Variants in ZNF362 observed in about 807,000 individuals in gnomAD.
ZNF362 encodes zinc finger protein 362.
ZNF362 carries 11 observed loss-of-function variants against 42.9 expected under a neutral mutation model. The ratio of observed to expected loss-of-function variants is 0.26; its 90% CI spans 0.16 to 0.42. ZNF362 has a LOEUF of 0.42. Among genes scored for constraint, ZNF362 ranks in the 20% least tolerant of loss-of-function variants. The probability of loss-of-function intolerance (pLI) is 1.00; values close to 1 mark genes in which losing one functional copy is unlikely to be tolerated. For missense variants in ZNF362, 362 were observed against 576.2 expected, an observed-to-expected ratio of 0.63 and a Z score of 3.81; for synonymous variants, 255 against 257.3, an observed-to-expected ratio of 0.99 and a Z score of 0.09.
chr1:33,135,311 CCAAA>C, the ZNF362 span, among the ~76,000 whole-genome samples: 1 of 151,932 alleles, frequency 6.6e-6, no homozygotes. Flanking sequence ...AACAAACAAA[CCAAA>C]CAAAAACAAC....
At chr1:33,134,264 G>A in the ZNF362 span, among the ~76,000 whole-genome samples, 1 of 152,246 alleles carries the variant, frequency 6.6e-6, no homozygotes, top group East Asian at 1.9e-4. Context: ...AACCCAGCAA[G>A]GGTAGGTATT....
At chr1:33,276,752 C>T (rs55879775) in intron 4 of ZNF362, among the ~76,000 whole-genome samples, 158 bp downstream of exon 4, 104,483 of 152,132 alleles carry the variant, frequency 0.69, 36,060 homozygotes, top group East Asian at 0.76. Flanking sequence ...GGGTTGGCCA[C>T]GACGAGCCAC....
the ZNF362 span, chr1:33,181,470 G>A: frequency 1.9e-6 from 3 of 1,544,822 alleles, no homozygotes; most frequent in Admixed American, 4.0e-5. This position sits in a 1 kb window ranked among gnomAD's most constrained non-coding sequence, Gnocchi z 6.5. Flanking sequence ...CCGAGGGGCA[G>A]GGGGGCGGCT....
At chr1:33,140,530 C>T in the ZNF362 span, among the ~76,000 whole-genome samples, 1 of 152,214 alleles carries the variant, frequency 6.6e-6, no homozygotes, top group Non-Finnish European at 1.5e-5. This position sits in a 1 kb window ranked among gnomAD's most constrained non-coding sequence, Gnocchi z 4.0. Flanking sequence ...GGGGCAAGAG[C>T]CTCTTTTCTG....
At chr1:33,227,497 C>T in the ZNF362 span, among the ~76,000 whole-genome samples, 8 of 152,194 alleles carry the variant, frequency 5.3e-5, no homozygotes, top group Non-Finnish European at 1.2e-4. Context: ...GCCCAGCCTT[C>T]AGCCATCCAA....
chr1:33,257,343 G>C (rs1483052118), intron 1 of ZNF362, among the ~76,000 whole-genome samples: 1 of 151,214 alleles, frequency 6.6e-6, no homozygotes, highest in South Asian at 2.1e-4. Flanking sequence ...GGAAGCTGCC[G>C]GGCGATTTGA....
the ZNF362 span, among the ~76,000 whole-genome samples, chr1:33,144,244 T>C: frequency 6.6e-6 from 1 of 151,816 alleles, no homozygotes; most frequent in Non-Finnish European, 1.5e-5. Context: ...TTCAAGAGAT[T>C]CTCCTGCCTC....
At chr1:33,136,245 TTCTC>T in the ZNF362 span, among the ~76,000 whole-genome samples, 6 of 151,126 alleles carry the variant, frequency 4.0e-5, no homozygotes, top group Non-Finnish European at 5.9e-5. Flanking sequence ...TTCTTTTCCT[TTCTC>T]TCTTTCTTTT....
At chr1:33,204,885 A>T in the ZNF362 span, among the ~76,000 whole-genome samples, 1 of 152,238 alleles carries the variant, frequency 6.6e-6, no homozygotes, top group African/African-American at 2.4e-5. Flanking sequence ...AAACGATCAG[A>T]AATTAAAATT....
At chr1:33,182,138 AG>A in the ZNF362 span, 2 of 151,812 alleles carry the variant, frequency 1.3e-5, no homozygotes, top group African/African-American at 2.4e-5. Flanking sequence ...CGGGCGGGGG[AG>A]GGGCGGGGCC....
chr1:33,208,623 T>C, the ZNF362 span, among the ~76,000 whole-genome samples: 1 of 152,212 alleles, frequency 6.6e-6, no homozygotes, highest in South Asian at 2.1e-4. Flanking sequence ...TGGTTTGTAA[T>C]TCTCCTTGAA....
At chr1:33,236,896 C>T in the ZNF362 span, among the ~76,000 whole-genome samples, 1 of 151,892 alleles carries the variant, frequency 6.6e-6, no homozygotes, top group African/African-American at 2.4e-5. Flanking sequence ...CATGATGAAA[C>T]CCTGTCTCTA....
intron 6 of ZNF362, among the ~76,000 whole-genome samples, chr1:33,291,335 T>G (rs1646076629): frequency 6.6e-6 from 1 of 152,252 alleles, no homozygotes; most frequent in Non-Finnish European, 1.5e-5. Context: ...CTTTCCCCAT[T>G]TCTTGTTTTT....
intron 6 of ZNF362, among the ~76,000 whole-genome samples, chr1:33,293,186 G>A (rs758618365): frequency 1.3e-5 from 2 of 152,222 alleles, no homozygotes; most frequent in African/African-American, 2.4e-5. Flanking sequence ...ACTCGCCAAC[G>A]AATCTGGAAG....
the ZNF362 span, among the ~76,000 whole-genome samples, chr1:33,203,986 A>G: frequency 6.6e-6 from 1 of 152,010 alleles, no homozygotes; most frequent in Non-Finnish European, 1.5e-5. Flanking sequence ...ATGTAGTCCC[A>G]TTTATTTATT....
intron 8 of ZNF362, 27 bp from the exon 9 acceptor site, chr1:33,298,903 T>C (rs751752942): frequency 1.9e-6 from 3 of 1,597,340 alleles, no homozygotes; most frequent in Non-Finnish European, 1.7e-6. Context: ...GGTGGTTCCC[T>C]GTTCTGAATC....
the ZNF362 span, among the ~76,000 whole-genome samples, chr1:33,236,553 ATATATATAT>A: frequency 2.7e-4 from 25 of 93,044 alleles, no homozygotes; most frequent in Non-Finnish European, 5.2e-4. Flanking sequence ...AAAAAAAAAT[ATATATATAT>A]ATATATATAT....
chr1:33,272,464 G>T (rs1344429915), intron 2 of ZNF362, among the ~76,000 whole-genome samples: 1 of 152,122 alleles, frequency 6.6e-6, no homozygotes, highest in South Asian at 2.1e-4. Context: ...TGGAAGGGGC[G>T]TTTCGTTCAT....
chr1:33,184,392 A>G, the ZNF362 span, among the ~76,000 whole-genome samples: 1 of 152,250 alleles, frequency 6.6e-6, no homozygotes. Context: ...TCTATGTAGT[A>G]GAGTAGCAGT....
Sources: gnomAD v4.1 joint callset for allele counts (sites outside exome capture counted in the v4.1 genomes callset) on GRCh38, gnomAD v4.1.1 for gene constraint, Gnocchi (gnomAD v3.1) non-coding constraint, MANE v1.5 for transcripts, NCBI Gene and HGNC (gene_info 2026-07-23, HGNC 2026-07-21) for gene names.